FREM3: variants seen among roughly 807,000 people sequenced by gnomAD.
FREM3 encodes the protein FRAS1 related extracellular matrix 3, also known as FRAS1-related extracellular matrix protein 3.
FREM3 carries 105 observed loss-of-function variants against 129.1 expected under a neutral mutation model. The ratio of observed to expected loss-of-function variants is 0.81; its 90% CI spans 0.69 to 0.96. FREM3 has a LOEUF of 0.96. Among genes scored for constraint, FREM3 ranks in the 40% least tolerant of loss-of-function variants. FREM3 has a pLI of 0.00. For missense variants in FREM3, 2,593 were observed against 2,666.3 expected, an observed-to-expected ratio of 0.97 and a Z score of 0.61; for synonymous variants, 1,014 against 1,044.9, an observed-to-expected ratio of 0.97 and a Z score of 0.57.
rs1484428189 is a variant in FREM3, at chr4:143,652,452, G to T, written c.5276-24692C>A. ...GCTGGGATTACAGGCGTGAGCCACC[G>T]CGCCCGGCCCTTTTTCCTTTCTTAA... On this transcript the variant is annotated intron_variant, in intron 2 of 7. Transcript: ENST00000329798. 5.1e-5 allele frequency among the ~76,000 whole-genome samples: 2 copies of T among 39,602 alleles called. 1 individual carries two copies. Among genetic ancestry groups the T allele is most frequent in the African/African-American group, 1.1e-4 (2 of 18,008 alleles). The allele number at this position is 39,602 out of a possible 152,430, so 26.0% of individuals were successfully genotyped here. A position where few individuals can be genotyped will look rare whatever the true frequency, so the allele number is the denominator to read the frequency against.
intron 2 of FREM3, among the ~76,000 whole-genome samples, chr4:143,683,125 C>T (rs529499976): frequency 1.4e-4 from 22 of 152,260 alleles, no homozygotes; most frequent in African/African-American, 4.3e-4. Context: ...CAAGAACATG[C>T]GGTCTTGAGG....
Position 143,696,627 on chromosome 4 carries a change from G to A in FREM3, c.4049C>T (p.Pro1350Leu). 1 of 1,537,734 alleles carries A rather than the reference G, an allele frequency of 6.5e-7. No homozygotes were observed. The highest frequency in any genetic ancestry group is 1.2e-5 in the South Asian group (1 of 84,058). Residue 1350 changes from proline to leucine, a missense_variant, in exon 1 of 8, where the codon CCT (proline) becomes CTT (leucine). Around this residue, in one of 2 missense-constraint regions of FREM3, gnomAD observed 2,276 missense variants for 2,267.2 expected, o/e 1.00. Transcript: ENST00000329798. ...CAGCCTCTGTAGAAGCCCTTGTTGAGGCCCAGAATGGAGGACAAAACTGAG... is the reference window on the plus strand; with the variant it reads ...CAGCCTCTGTAGAAGCCCTTGTTGAAGCCCAGAATGGAGGACAAAACTGAG... Reference protein sequence around the residue: ...KSLSFVLHSGPQQGLLQRLRK... With the variant: ...KSLSFVLHSGLQQGLLQRLRK...
chr4:143,602,410 C>A (rs949274889), intron 6 of FREM3, among the ~76,000 whole-genome samples: 4 of 151,990 alleles, frequency 2.6e-5, no homozygotes, highest in African/African-American at 9.7e-5. Flanking sequence ...AAAATGATAC[C>A]ATTCAAAGGG....
intron 2 of FREM3, among the ~76,000 whole-genome samples, chr4:143,660,082 T>G (rs1379301326): frequency 6.7e-6 from 1 of 149,664 alleles, no homozygotes; most frequent in Non-Finnish European, 1.5e-5. Context: ...AGCTCTTTAG[T>G]TTAATTAGAT....
At chr4:143,667,451 A>G (rs1560864616) in intron 2 of FREM3, among the ~76,000 whole-genome samples, 2 of 152,214 alleles carry the variant, frequency 1.3e-5, no homozygotes, top group South Asian at 2.1e-4. Flanking sequence ...TGGGAAATCT[A>G]TTACAAGTCT....
intron 2 of FREM3, among the ~76,000 whole-genome samples, chr4:143,642,099 G>C (rs987516845): frequency 6.6e-6 from 1 of 152,116 alleles, no homozygotes. Flanking sequence ...TACCCCAAAA[G>C]GTGAAAGACC....
intron 4 of FREM3, among the ~76,000 whole-genome samples, chr4:143,623,152 G>A (rs960143878): frequency 6.6e-6 from 1 of 152,156 alleles, no homozygotes; most frequent in Non-Finnish European, 1.5e-5. Context: ...GTCCAGTTTG[G>A]AAAAATTAAA....
intron 2 of FREM3, among the ~76,000 whole-genome samples, chr4:143,675,848 T>C (rs1209854860): frequency 1.3e-5 from 2 of 152,080 alleles, no homozygotes; most frequent in Non-Finnish European, 2.9e-5. Context: ...CAGGAAGAAG[T>C]TGAATCTCTG....
rs1193873301 is a variant in FREM3, at chr4:143,697,461, AC to A, written c.3214del (p.Val1072SerfsTer17). The A allele has an allele frequency of 6.5e-7, 1 of 1,537,154 alleles. No individual in the cohort carries two copies. Among genetic ancestry groups the A allele is most frequent in the East Asian group, 2.4e-5 (1 of 40,910 alleles). On this transcript the variant is annotated frameshift_variant, in exon 1 of 8. Coordinates refer to ENST00000329798, the MANE Select transcript of FREM3 (RefSeq NM_001168235.2). LOFTEE classifies it high-confidence loss of function. ...VLPVDNVGPK[V>X]FVGESFIVYE... Reference sequence around the variant, plus strand: ...GACAATGAAGGACTCCCCGACGAAGACCTTGGGTCCCACATTGTCCACAGGC... The same window carrying A: ...GACAATGAAGGACTCCCCGACGAAGACTTGGGTCCCACATTGTCCACAGGC...
chr4:143,600,860 G>A (rs192697397), intron 6 of FREM3, among the ~76,000 whole-genome samples: 1 of 152,068 alleles, frequency 6.6e-6, no homozygotes, highest in Non-Finnish European at 1.5e-5. Context: ...CAACATCTCT[G>A]CCTGAGAACT....
chr4:143,640,991 T>C (rs1308615633), intron 2 of FREM3, among the ~76,000 whole-genome samples: 1 of 152,178 alleles, frequency 6.6e-6, no homozygotes, highest in Non-Finnish European at 1.5e-5. Flanking sequence ...TAAAATTAGA[T>C]AGTATAATAA....
chr4:143,580,647 C>A (rs1257857345), intron 7 of FREM3, among the ~76,000 whole-genome samples: 2 of 152,120 alleles, frequency 1.3e-5, no homozygotes, highest in African/African-American at 2.4e-5. Context: ...ACTGAACTCA[C>A]TAAACAAAGC....
At position 143,604,280 on chromosome 4, in the gene FREM3, T is replaced by G. The variant is rs556789419; in HGVS notation, c.6028+6999A>C. Among the ~76,000 whole-genome samples the G allele has an allele frequency of 9.8e-4, 149 of 152,224 alleles. 1 individual carries two copies. The highest frequency in any genetic ancestry group is 2.5e-3 in the Admixed American group (38 of 15,270). Reference sequence around the variant, plus strand: ...CAGAACCATGGCCCAAATAAATCTTTTTTCTTTATAAATTACCTAGCCTCA... The same window carrying G: ...CAGAACCATGGCCCAAATAAATCTTGTTTCTTTATAAATTACCTAGCCTCA... On this transcript the variant is annotated intron_variant, in intron 6 of 7. Transcript: ENST00000329798.
intron 5 of FREM3, among the ~76,000 whole-genome samples, chr4:143,613,133 G>T (rs1186799944): frequency 6.6e-6 from 1 of 152,172 alleles, no homozygotes; most frequent in African/African-American, 2.4e-5. Flanking sequence ...TTTCAGAATG[G>T]TTTTTTTGAA....
At chr4:143,681,363 T>C (rs772715331) in intron 2 of FREM3, among the ~76,000 whole-genome samples, 8 of 152,114 alleles carry the variant, frequency 5.3e-5, no homozygotes, top group Non-Finnish European at 8.8e-5. Context: ...TTTAGTGTTA[T>C]ATATAGTAGA....
At chr4:143,578,787 G>C (rs1426018816) in intron 7 of FREM3, among the ~76,000 whole-genome samples, 1 of 152,198 alleles carries the variant, frequency 6.6e-6, no homozygotes, top group East Asian at 1.9e-4. Flanking sequence ...ATCTTCAAAA[G>C]CATCAAGGTG....
chr4:143,642,519 CAAG>C (rs2149846515), intron 2 of FREM3, among the ~76,000 whole-genome samples: 1 of 152,148 alleles, frequency 6.6e-6, no homozygotes, highest in South Asian at 2.1e-4. Flanking sequence ...GCAAAGGTAA[CAAG>C]AACACACATC....
At chr4:143,600,884 A>G (rs1336844870) in intron 6 of FREM3, among the ~76,000 whole-genome samples, 2 of 151,974 alleles carry the variant, frequency 1.3e-5, no homozygotes, top group African/African-American at 2.4e-5. Context: ...TATCAGTGCT[A>G]TCATTTCTAT....
chr4:143,577,476 C>T lies in FREM3; in HGVS notation c.*135G>A. On this transcript the variant is annotated 3_prime_UTR_variant, in exon 8 of 8. Coordinates refer to ENST00000329798, the MANE Select transcript of FREM3 (RefSeq NM_001168235.2). ...TGCAGTCATATAAATTACATTTCCA[C>T]ATATCACCAGAATATAACACCAATG... 1 of 795,922 alleles carries T rather than the reference C, an allele frequency of 1.3e-6. No homozygotes were observed. Among genetic ancestry groups the T allele is most frequent in the East Asian group, 2.7e-5 (1 of 37,124 alleles). The allele number at this position is 795,922 out of a possible 1,614,324, so 49.3% of individuals were successfully genotyped here.
Sources: gnomAD v4.1 joint callset for allele counts (sites outside exome capture counted in the v4.1 genomes callset) on GRCh38, gnomAD v4.1.1 for gene constraint, gnomAD v4.1.1 regional missense constraint, MANE v1.5 for transcripts, NCBI Gene and HGNC (gene_info 2026-07-23, HGNC 2026-07-21) for gene names.